Variants in UNC13C observed in about 807,000 individuals in gnomAD.
The protein encoded by UNC13C is unc-13 homolog C, also known as protein unc-13 homolog C.
Under a neutral mutation model 245.4 loss-of-function variants are expected in UNC13C, and 174 were observed. That is an observed-to-expected ratio of 0.71 (90% CI 0.63 to 0.80). The LOEUF is 0.80. Among genes scored for constraint, UNC13C ranks in the 30% least tolerant of loss-of-function variants. The pLI is 0.00. For missense variants in UNC13C, 2,829 were observed against 2,602.9 expected (o/e 1.09, Z -1.89); for synonymous variants, 992 against 895.1 (o/e 1.11, Z -1.93).
At chr15:54,511,058 A>G (rs1894715357) in intron 23 of UNC13C, among the ~76,000 whole-genome samples, 1 of 152,188 alleles carries the variant, frequency 6.6e-6, no homozygotes, top group Non-Finnish European at 1.5e-5. Flanking sequence ...GTTTGTGAGT[A>G]AGAAAAGCAG....
At chr15:53,853,591 A>G in the UNC13C span, among the ~76,000 whole-genome samples, 4 of 152,168 alleles carry the variant, frequency 2.6e-5, no homozygotes, top group South Asian at 8.3e-4. Flanking sequence ...CAATGGTTGA[A>G]CTAATTTATA....
intron 16 of UNC13C, among the ~76,000 whole-genome samples, chr15:54,334,909 A>C (rs145704704): frequency 6.6e-6 from 1 of 151,984 alleles, no homozygotes; most frequent in Non-Finnish European, 1.5e-5. Flanking sequence ...TAAAAACACT[A>C]TCTCCTTAAA....
chr15:54,453,060 G>C (rs1891269124), intron 19 of UNC13C, among the ~76,000 whole-genome samples: 1 of 152,142 alleles, frequency 6.6e-6, no homozygotes, highest in Non-Finnish European at 1.5e-5. Context: ...TAGCTGCTTA[G>C]GGCTTGAGTT....
intron 2 of UNC13C, among the ~76,000 whole-genome samples, chr15:54,071,112 A>G (rs913823416): frequency 1.7e-4 from 26 of 152,164 alleles, no homozygotes; most frequent in African/African-American, 6.3e-4. Flanking sequence ...AAATGTATGA[A>G]TGTTCACCCC....
At chr15:54,557,111 C>T (rs1488555008) in intron 29 of UNC13C, among the ~76,000 whole-genome samples, 1 of 151,930 alleles carries the variant, frequency 6.6e-6, no homozygotes, top group African/African-American at 2.4e-5. Flanking sequence ...TCTCAGACAC[C>T]AGACACCGGC....
chr15:54,322,658 G>A (rs547734555), intron 14 of UNC13C, among the ~76,000 whole-genome samples: 6 of 152,080 alleles, frequency 3.9e-5, no homozygotes, highest in African/African-American at 1.4e-4. Context: ...GAAATTCAGG[G>A]AATCAAAGGA....
At chr15:54,559,520 T>C (rs1292160645) in intron 29 of UNC13C, among the ~76,000 whole-genome samples, 1 of 152,064 alleles carries the variant, frequency 6.6e-6, no homozygotes, top group African/African-American at 2.4e-5. Context: ...TTTGAGAGCT[T>C]ACTGTAGGTA....
Position 54,538,315 on chromosome 15 carries a change from G to A in UNC13C, c.5696+5249G>A, listed in dbSNP as rs116174499. 3.9e-3 allele frequency among the ~76,000 whole-genome samples: 596 copies of A among 151,972 alleles called. 4 individuals carry two copies. Among genetic ancestry groups the A allele is most frequent in the African/African-American group, 0.014 (565 of 41,480 alleles). ...ATGAGATACCATCTCACACCAATCA[G>A]GATGACTATTAGTAAAAAGTTAAAA... On this transcript the variant is annotated intron_variant, in intron 26 of 32. Coordinates refer to ENST00000260323, the MANE Select transcript of UNC13C (RefSeq NM_001080534.3).
At chr15:54,135,430 A>G (rs985686056) in intron 2 of UNC13C, among the ~76,000 whole-genome samples, 1 of 152,184 alleles carries the variant, frequency 6.6e-6, no homozygotes, top group African/African-American at 2.4e-5. Context: ...TTGGAGCTTT[A>G]TGGGTTCAGG....
At position 54,265,453 on chromosome 15, in the gene UNC13C, AT is replaced by A; in HGVS notation, c.3780del (p.Phe1260LeufsTer4). 6.4e-7 allele frequency: 1 copy of A among 1,564,626 alleles called. No homozygotes were observed. The highest frequency in any genetic ancestry group is 1.2e-5 in the South Asian group (1 of 84,620). On this transcript the variant is annotated frameshift_variant, in exon 10 of 33. Transcript: ENST00000260323. LOFTEE classifies it high-confidence loss of function. ...AAAGAACAAAAGAAGAACAAAAACC[AT>A]TTTTGGAAATTTGAATCCAGTATGG... ...VGKNKRRTKT[I>X]FGNLNPVWDE...
intron 17 of UNC13C, among the ~76,000 whole-genome samples, chr15:54,339,644 T>G (rs993468156): frequency 0.038 from 369 of 9,768 alleles, 2 homozygotes; most frequent in East Asian, 0.091. Context: ...TGTGGAGATA[T>G]ATATATATAT....
intron 2 of UNC13C, among the ~76,000 whole-genome samples, chr15:54,026,431 T>G (rs2141011264): frequency 6.6e-6 from 1 of 152,322 alleles, no homozygotes; most frequent in African/African-American, 2.4e-5. Context: ...CTTCTAGAAG[T>G]TAGAACACCT....
chr15:53,865,891 T>C, the UNC13C span, among the ~76,000 whole-genome samples: 12 of 152,132 alleles, frequency 7.9e-5, no homozygotes, highest in African/African-American at 2.9e-4. Context: ...AAAAATTGAT[T>C]ACATATCAAG....
chr15:54,223,900 T>A (rs2035299384), intron 4 of UNC13C, among the ~76,000 whole-genome samples: 1 of 152,144 alleles, frequency 6.6e-6, no homozygotes, highest in Non-Finnish European at 1.5e-5. Context: ...TTGTAACTAT[T>A]GTAAATGAGG....
At chr15:53,950,575 A>G in the UNC13C span, among the ~76,000 whole-genome samples, 1 of 152,176 alleles carries the variant, frequency 6.6e-6, no homozygotes, top group African/African-American at 2.4e-5. Context: ...AAAGGTGTCA[A>G]CTGATACTCC....
chr15:54,610,019 C>T (rs1899991219), intron 30 of UNC13C, among the ~76,000 whole-genome samples: 2 of 152,112 alleles, frequency 1.3e-5, no homozygotes, highest in African/African-American at 2.4e-5. Context: ...CCTACCAGGT[C>T]CCTCCAATGA....
the UNC13C span, among the ~76,000 whole-genome samples, chr15:53,895,945 A>C: frequency 6.7e-6 from 1 of 150,108 alleles, no homozygotes; most frequent in East Asian, 2.0e-4. Context: ...CACTTAGTCC[A>C]GTATATTTTA....
intron 19 of UNC13C, among the ~76,000 whole-genome samples, chr15:54,429,356 G>A (rs563087129): frequency 7.2e-5 from 11 of 151,726 alleles, no homozygotes; most frequent in Admixed American, 1.3e-4. Context: ...ATTCTTTTAT[G>A]AACTTCCCAT....
chr15:54,046,401 A>T (rs968481854), intron 2 of UNC13C, among the ~76,000 whole-genome samples: 4 of 152,144 alleles, frequency 2.6e-5, no homozygotes, highest in African/African-American at 9.7e-5. Context: ...AACAATGTAT[A>T]TTGTCAAACT....
Sources: allele counts gnomAD v4.1 joint callset (sites outside exome capture counted in the v4.1 genomes callset), GRCh38; gene constraint gnomAD v4.1.1; transcripts MANE v1.5; gene names NCBI Gene and HGNC (gene_info 2026-07-23, HGNC 2026-07-21).